The following EXOC4 variants were observed in gnomAD, a reference collection of about 807,000 sequenced individuals.
The protein encoded by EXOC4 is SEC8-like 1.
EXOC4 carries 71 observed loss-of-function variants against 107.2 expected under a neutral mutation model. The observed-to-expected ratio is 0.66, with a 90% CI of 0.55 to 0.81. The LOEUF (loss-of-function observed/expected upper bound fraction) is 0.81, where lower values mean the gene tolerates loss of function less well. Among genes scored for constraint, EXOC4 ranks in the 30% least tolerant of loss-of-function variants. The probability of loss-of-function intolerance (pLI) is 0.00; values close to 1 mark genes in which losing one functional copy is unlikely to be tolerated. For synonymous variants in EXOC4, 456 were observed against 441.2 expected, an observed-to-expected ratio of 1.03 and a Z score of -0.42; for missense variants, 1,108 against 1,189.6, an observed-to-expected ratio of 0.93 and a Z score of 1.01.
chr7:133,262,154 T>A (rs1428683771), intron 1 of EXOC4, among the ~76,000 whole-genome samples: 1 of 152,174 alleles, frequency 6.6e-6, no homozygotes, highest in Non-Finnish European at 1.5e-5. Flanking sequence ...TCTCTAAAAG[T>A]ACTATTTTGG....
chr7:133,931,794 G>A (rs1800182401), intron 13 of EXOC4, among the ~76,000 whole-genome samples: 1 of 152,182 alleles, frequency 6.6e-6, no homozygotes, highest in Non-Finnish European at 1.5e-5. Context: ...GCCTCCATAA[G>A]GGTGATGTGT....
At chr7:133,484,829 A>G (rs4731955) in intron 9 of EXOC4, among the ~76,000 whole-genome samples, 129,273 of 151,952 alleles carry the variant, frequency 0.85, 55,326 homozygotes, top group East Asian at 0.95. Flanking sequence ...CTGTAATCCC[A>G]GCACTTTGGG....
chr7:134,075,923 C>T, the EXOC4 span, among the ~76,000 whole-genome samples: 6 of 152,294 alleles, frequency 3.9e-5, no homozygotes, highest in South Asian at 2.1e-4. Context: ...AGCTGACCTG[C>T]AGTGGACATA....
chr7:134,023,623 T>C (rs1459950838), intron 17 of EXOC4, among the ~76,000 whole-genome samples: 1 of 152,156 alleles, frequency 6.6e-6, no homozygotes, highest in Non-Finnish European at 1.5e-5. Flanking sequence ...TTCTACACTG[T>C]GGTAAATGAC....
At chr7:133,665,250 A>G (rs1793786055) in intron 10 of EXOC4, among the ~76,000 whole-genome samples, 1 of 152,022 alleles carries the variant, frequency 6.6e-6, no homozygotes, top group Non-Finnish European at 1.5e-5. Context: ...TCCCCTTCCC[A>G]TTTGACTTTT....
chr7:133,319,841 T>C (rs1183869090), intron 5 of EXOC4, among the ~76,000 whole-genome samples: 1 of 132,882 alleles, frequency 7.5e-6, no homozygotes, highest in Non-Finnish European at 1.8e-5. Flanking sequence ...TCGTGTGCTT[T>C]TTTTTTTTTT....
intron 10 of EXOC4, among the ~76,000 whole-genome samples, chr7:133,736,790 T>C (rs1305898527): frequency 4.6e-5 from 7 of 152,162 alleles, no homozygotes; most frequent in African/African-American, 1.2e-4. Flanking sequence ...AATGATCTTA[T>C]TTCCTTGCTT....
intron 1 of EXOC4, among the ~76,000 whole-genome samples, chr7:133,257,754 T>C (rs1321551120): frequency 1.3e-5 from 2 of 152,232 alleles, no homozygotes; most frequent in African/African-American, 4.8e-5. Context: ...AAGGCTCACA[T>C]TTTCATCAAC....
intron 9 of EXOC4, among the ~76,000 whole-genome samples, chr7:133,498,458 A>G (rs1799519833): frequency 1.3e-5 from 2 of 152,058 alleles, no homozygotes; most frequent in South Asian, 4.2e-4. Flanking sequence ...GGTGGCAGGC[A>G]CCTGTAGTCC....
downstream of EXOC4, among the ~76,000 whole-genome samples, chr7:134,069,339 T>C (rs1487405223): frequency 2.3e-5 from 3 of 131,950 alleles, no homozygotes; most frequent in South Asian, 2.7e-4. Flanking sequence ...TTCTCCTCCT[T>C]CTCCTCCTCC....
At chr7:133,503,670 G>A (rs1041296767) in intron 9 of EXOC4, among the ~76,000 whole-genome samples, 2 of 152,136 alleles carry the variant, frequency 1.3e-5, no homozygotes, top group Non-Finnish European at 2.9e-5. Flanking sequence ...CATGCTTTTC[G>A]GCATCCAATA....
intron 10 of EXOC4, among the ~76,000 whole-genome samples, chr7:133,739,216 A>AGG (rs1465018354): frequency 2.3e-5 from 3 of 131,186 alleles, no homozygotes; most frequent in South Asian, 2.8e-4. Context: ...GCACATGTAG[A>AGG]GGGGTTTGTG....
chr7:133,385,678 A>G (rs1285352491), intron 7 of EXOC4, among the ~76,000 whole-genome samples: 8 of 152,164 alleles, frequency 5.3e-5, no homozygotes, highest in Admixed American at 6.5e-5. Context: ...TCCCCATTTT[A>G]GAGATGGAGA....
At chr7:133,281,359 C>A (rs1285535930) in intron 2 of EXOC4, among the ~76,000 whole-genome samples, 1 of 144,634 alleles carries the variant, frequency 6.9e-6, no homozygotes, top group Non-Finnish European at 1.5e-5. Context: ...ATTAAAAGTC[C>A]AGAAAAAAAA....
the EXOC4 span, among the ~76,000 whole-genome samples, chr7:134,072,107 C>G: frequency 6.6e-6 from 1 of 152,220 alleles, no homozygotes; most frequent in East Asian, 1.9e-4. Context: ...GGCTGACCCC[C>G]CACCAGTTGG....
chr7:133,900,054 A>G (rs1485965727), intron 12 of EXOC4, among the ~76,000 whole-genome samples: 2 of 152,064 alleles, frequency 1.3e-5, no homozygotes, highest in African/African-American at 4.8e-5. Flanking sequence ...CAGCACCATC[A>G]CTTTCCTTGT....
chr7:133,253,436 C>T, intron 1 of EXOC4: 4 of 1,244,244 alleles, frequency 3.2e-6, no homozygotes, highest in Non-Finnish European at 4.0e-6. Flanking sequence ...CCTTCTATTA[C>T]AGTCTCGGGA....
intron 7 of EXOC4, among the ~76,000 whole-genome samples, chr7:133,401,137 A>G (rs1271212532): frequency 6.7e-6 from 1 of 150,006 alleles, no homozygotes; most frequent in Non-Finnish European, 1.5e-5. Context: ...TACCATTTGT[A>G]TACAGTATTA....
intron 7 of EXOC4, among the ~76,000 whole-genome samples, chr7:133,427,394 C>T (rs1797751178): frequency 6.6e-6 from 1 of 152,206 alleles, no homozygotes; most frequent in African/African-American, 2.4e-5. Flanking sequence ...GACATTTTGA[C>T]ATGACAACCT....
Sources: gnomAD v4.1 joint callset for allele counts (sites outside exome capture counted in the v4.1 genomes callset) on GRCh38, gnomAD v4.1.1 for gene constraint, MANE v1.5 for transcripts, NCBI Gene and HGNC (gene_info 2026-07-23, HGNC 2026-07-21) for gene names.